Variants in RNF215 observed in about 807,000 individuals in gnomAD.
RNF215 encodes the protein ring finger protein 215.
RNF215 carries 41 observed loss-of-function variants against 44.8 expected under a neutral mutation model. The ratio of observed to expected loss-of-function variants is 0.92; its 90% CI spans 0.71 to 1.19. RNF215 has a LOEUF of 1.19. Among genes scored for constraint, RNF215 ranks in the 50% most tolerant of loss-of-function variants. The probability of loss-of-function intolerance (pLI) is 0.00; values close to 1 mark genes in which losing one functional copy is unlikely to be tolerated. For missense variants in RNF215, 452 were observed against 496.2 expected, an observed-to-expected ratio of 0.91 and a Z score of 0.85; for synonymous variants, 218 against 230.1, an observed-to-expected ratio of 0.95 and a Z score of 0.48.
rs374766501 is a variant in RNF215, at chr22:30,380,234, C to T, written c.865-29G>A. 6.2e-6 allele frequency: 10 copies of T among 1,612,126 alleles called. No homozygotes were observed. Among genetic ancestry groups the T allele is most frequent in the Non-Finnish European group, 6.8e-6 (8 of 1,178,926 alleles). ...TGGGGAGAGGACGGGCACAGTCTTG[C>T]AGGTCCAAGGGCTGAGGGTGCTGGG... On this transcript the variant is annotated intron_variant, in intron 6 of 8. Transcript: ENST00000382363. This position sits in a 1 kb window ranked among gnomAD's most constrained non-coding sequence, Gnocchi z 5.3.
In RNF215 at chr22:30,379,634, G is replaced by A; in HGVS notation, c.1112-12C>T. ...GGAGTAGCGGTTCCCTGCAGGGGAG[G>A]GGAAGAAGAACAGGGAGAGAGGCAT... On this transcript the variant is annotated splice_polypyrimidine_tract_variant and intron_variant, in intron 8 of 8. Coordinates refer to ENST00000382363, the MANE Select transcript of RNF215 (RefSeq NM_001017981.2). 1.9e-6 allele frequency: 3 copies of A among 1,551,712 alleles called. No individual in the cohort carries two copies. The highest frequency in any genetic ancestry group is 2.6e-6 in the Non-Finnish European group (3 of 1,147,090).
rs555969533 is a variant in RNF215 at position 30,384,273 on chromosome 22, C to T, written c.744+66G>A. 14 of 1,512,248 alleles carry T rather than the reference C, an allele frequency of 9.3e-6. No individual in the cohort carries two copies. In the East Asian group the frequency reaches 2.7e-4, roughly 30 times the overall value. 93.7% of individuals were successfully genotyped at this position (1,512,248 alleles called of 1,614,324 possible). ...GGGAGAAGCCACAGGATTTTCAATA[C>T]AAAGCCATGTATATGGCCCCACGAG... is the stretch of plus-strand genomic sequence containing the variant. On this transcript the variant is annotated intron_variant, in intron 5 of 8. Coordinates refer to ENST00000382363, the MANE Select transcript of RNF215 (RefSeq NM_001017981.2).
At chr22:30,384,024 G>C (rs562867221) in intron 5 of RNF215, among the ~76,000 whole-genome samples, 1 of 152,350 alleles carries the variant, frequency 6.6e-6, no homozygotes, top group East Asian at 1.9e-4. Context: ...GAAAAATAGA[G>C]TGAGTGAGTG....
chr22:30,386,774 G>C lies in RNF215; in HGVS notation c.286-15C>G, dbSNP rs1933606379. 2 of 1,598,892 alleles carry C rather than the reference G, an allele frequency of 1.3e-6. No homozygotes were observed. Among genetic ancestry groups the C allele is most frequent in the African/African-American group, 2.7e-5 (2 of 75,022 alleles). On this transcript the variant is annotated splice_polypyrimidine_tract_variant and intron_variant, in intron 1 of 8. Coordinates refer to ENST00000382363, the MANE Select transcript of RNF215 (RefSeq NM_001017981.2). The stretch of plus-strand genomic sequence containing the variant: ...ACGATGTCCATCTGTGTGGCAAGGG[G>C]CCATGAGCAGAGGGAGGTAGGGTGT...
rs1269486902 is a variant in RNF215, at chr22:30,380,691, C to T, written c.745-290G>A. ...ACCTGATGTTTTGCATACACAGAAGCTTCTATCTGGTAGCCTCAGAGACTC... is the reference window on the plus strand; with the variant it reads ...ACCTGATGTTTTGCATACACAGAAGTTTCTATCTGGTAGCCTCAGAGACTC... On this transcript the variant is annotated intron_variant, in intron 5 of 8. Coordinates refer to ENST00000382363, the MANE Select transcript of RNF215 (RefSeq NM_001017981.2). The surrounding 1 kb of genome is among the most constrained non-coding windows in gnomAD (Gnocchi z 5.3). Among the ~76,000 whole-genome samples, 1 of 152,130 alleles carries T rather than the reference C, an allele frequency of 6.6e-6. No homozygotes were observed. The highest frequency in any genetic ancestry group is 1.9e-4 in the East Asian group (1 of 5,194).
At position 30,386,683 on chromosome 22, in the gene RNF215, G is replaced by A. The variant is rs201180819; in HGVS notation, c.362C>T (p.Ala121Val). The change falls in exon 2 of 9, where the codon GCG (alanine) becomes GTG (valine). Residue 121 changes from alanine (A) to valine (V), a missense_variant. Coordinates refer to ENST00000382363, the MANE Select transcript of RNF215 (RefSeq NM_001017981.2). The part of the protein sequence containing the change: ...IAVAYVGKEQ[A>V]AQFHQENKGS... ...CTTATTCTCCTGGTGGAACTGGGCC[G>A]CCTGCTCCTTGCCCACGTATGCCAC... 17 of 1,612,688 alleles carry A rather than the reference G, an allele frequency of 1.1e-5. No individual in the cohort carries two copies. The East Asian group carries it at 1.8e-4, about 17-fold the overall frequency.
chr22:30,386,002 A>G lies in RNF215; in HGVS notation c.502-13T>C. On this transcript the variant is annotated splice_polypyrimidine_tract_variant and intron_variant, in intron 3 of 8. Transcript: ENST00000382363. The stretch of plus-strand genomic sequence containing the variant: ...GGGATATGTCCAGCTGCAGGGAGAC[A>G]AGGAGGTCAGCAGGCCTGGGTCCCC... 1 of 1,614,064 alleles carries G rather than the reference A, an allele frequency of 6.2e-7. No individual in the cohort carries two copies. The highest frequency in any genetic ancestry group is 8.5e-7 in the Non-Finnish European group (1 of 1,179,970).
Position 30,386,745 on chromosome 22 carries a change from A to C in RNF215, c.300T>G (p.Asp100Glu). Residue 100 changes from aspartate to glutamate, a missense_variant, in exon 2 of 9, where the codon GAT (aspartate) becomes GAG (glutamate). Physicochemically the swap from Asp to Glu is conservative, Grantham distance 45. Transcript: ENST00000382363. ...GGRLLLMDIV[D>E]AEQEAPVEGW... is the part of the protein sequence containing the mutation. Reference sequence around the variant, plus strand: ...CTTCCACTGGTGCCTCCTGCTCGGCATCCACGATGTCCATCTGTGTGGCAA... The same window carrying C: ...CTTCCACTGGTGCCTCCTGCTCGGCCTCCACGATGTCCATCTGTGTGGCAA... 1 of 1,605,756 alleles carries C rather than the reference A, an allele frequency of 6.2e-7. No homozygotes were observed. The highest frequency in any genetic ancestry group is 8.5e-7 in the Non-Finnish European group (1 of 1,179,834).
chr22:30,387,211 C>A lies in RNF215; in HGVS notation c.103G>T (p.Gly35Cys). The A allele has an allele frequency of 9.8e-7, 1 of 1,015,832 alleles. No homozygotes were observed. Among genetic ancestry groups the A allele is most frequent in the Non-Finnish European group, 1.2e-6 (1 of 845,580 alleles). 62.9% of individuals were successfully genotyped at this position (1,015,832 alleles called of 1,614,324 possible). ...LLLPLLPLWL[G>C]LAGPGAAADG... ...GCCGCGGCCCCGGGCCCCGCCAGGCCCAGCCACAGCGGCAGCAGGGGCAGC... is the reference window on the plus strand; with the variant it reads ...GCCGCGGCCCCGGGCCCCGCCAGGCACAGCCACAGCGGCAGCAGGGGCAGC... Residue 35 changes from glycine to cysteine, a missense_variant, in exon 1 of 9, where the codon GGC becomes TGC. Gly to Cys is a radical substitution (Grantham distance 159, BLOSUM62 -3). Coordinates refer to ENST00000382363, the MANE Select transcript of RNF215 (RefSeq NM_001017981.2).
At chr22:30,385,182 G>A (rs1284724997) in intron 4 of RNF215, among the ~76,000 whole-genome samples, 1 of 152,164 alleles carries the variant, frequency 6.6e-6, no homozygotes, top group Non-Finnish European at 1.5e-5. Context: ...AGCACTTTGG[G>A]AGGCCGAGAC....
intron 5 of RNF215, among the ~76,000 whole-genome samples, chr22:30,383,303 CTT>C (rs1320638920): frequency 3.3e-5 from 5 of 152,186 alleles, no homozygotes; most frequent in Non-Finnish European, 7.3e-5. Context: ...GGTCTGCCCT[CTT>C]GAGCAGCCAG....
rs530283813 is a variant in RNF215 at position 30,381,918 on chromosome 22, C to T, written c.745-1517G>A. ...CCAGGCTGAGTGCCTTTATCATGCC[C>T]TAGAGGGTGCCGGGGCCACCACCAG... is the stretch of plus-strand genomic sequence containing the variant. On this transcript the variant is annotated intron_variant, in intron 5 of 8. Transcript: ENST00000382363. Among the ~76,000 whole-genome samples the T allele has an allele frequency of 1.6e-4, 24 of 152,318 alleles. No homozygotes were observed. The East Asian group carries it at 4.2e-3, about 27-fold the overall frequency.
At chr22:30,386,400 C>G (rs964269663) in intron 2 of RNF215, among the ~76,000 whole-genome samples, 1 of 152,220 alleles carries the variant, frequency 6.6e-6, no homozygotes, top group African/African-American at 2.4e-5. Flanking sequence ...CCCATACTCT[C>G]AGAGCCTGGT....
intron 7 of RNF215, 83 bp from the exon 8 acceptor site, chr22:30,379,896 G>A: frequency 6.6e-7 from 1 of 1,508,646 alleles, no homozygotes. Context: ...CCTCGCCTCA[G>A]CTGGGGAACT....
intron 2 of RNF215, 105 bp downstream of exon 2, chr22:30,386,511 G>C: frequency 1.4e-6 from 2 of 1,425,512 alleles, no homozygotes; most frequent in South Asian, 1.4e-5. Context: ...CCAGGCCTAG[G>C]GCTTCTCTGC....
chr22:30,380,311 G>GC lies in RNF215; in HGVS notation c.834dup (p.Arg279AlafsTer15), dbSNP rs1933510249. The GC allele has an allele frequency of 6.2e-7, 1 of 1,611,054 alleles. No homozygotes were observed. Among genetic ancestry groups the GC allele is most frequent in the Non-Finnish European group, 8.5e-7 (1 of 1,178,618 alleles). ...CCTCCGAGCTCCCGCTGGCTCTGCC[G>GC]CGACGCCTGCCGCTGGGCCTGGACC... On this transcript the variant is annotated frameshift_variant, in exon 6 of 9. Coordinates refer to ENST00000382363, the MANE Select transcript of RNF215 (RefSeq NM_001017981.2). LOFTEE classifies it high-confidence loss of function. This position sits in a 1 kb window ranked among gnomAD's most constrained non-coding sequence, Gnocchi z 5.3.
rs779998402 is a variant in RNF215, at chr22:30,380,356, G to A, written c.790C>T (p.Leu264Phe). Reference protein sequence around the residue: ...LWNAILLVAMLLCTGLVVQAQ... With the variant: ...LWNAILLVAMFLCTGLVVQAQ... ...TGGACCACGAGGCCTGTGCACAGGA[G>A]CATGGCCACCAGCAGGATGGCGTTC... Residue 264 changes from leucine (L) to phenylalanine (F), a missense_variant, in exon 6 of 9, where the codon CTC becomes TTC. Coordinates refer to ENST00000382363, the MANE Select transcript of RNF215 (RefSeq NM_001017981.2). This position sits in a 1 kb window ranked among gnomAD's most constrained non-coding sequence, Gnocchi z 5.3. 9.3e-6 allele frequency: 15 copies of A among 1,610,142 alleles called. No individual in the cohort carries two copies. The highest frequency in any genetic ancestry group is 1.2e-5 in the Non-Finnish European group (14 of 1,177,716).
chr22:30,381,819 C>A (rs1033537124), intron 5 of RNF215, among the ~76,000 whole-genome samples: 11 of 152,204 alleles, frequency 7.2e-5, no homozygotes, highest in African/African-American at 2.7e-4. Context: ...CAGCTCCCCT[C>A]TCCATCCTGC....
In RNF215 at chr22:30,386,122, A is replaced by G. The variant is rs1367617075; in HGVS notation, c.449T>C (p.Leu150Pro). 2 of 1,591,934 alleles carry G rather than the reference A, an allele frequency of 1.3e-6. No individual in the cohort carries two copies. Among genetic ancestry groups the G allele is most frequent in the South Asian group, 1.1e-5 (1 of 89,586 alleles). ...LVQQMRRALFLGASALLLLIL... is the reference protein window; with the variant it reads ...LVQQMRRALFPGASALLLLIL... Reference sequence around the variant, plus strand: ...GAGAAGAAGCAGGGCAGAGGCACCCAGGAAGAGGGCCCGCCGCATCTGCAG... The same window carrying G: ...GAGAAGAAGCAGGGCAGAGGCACCCGGGAAGAGGGCCCGCCGCATCTGCAG... Residue 150 changes from leucine (L) to proline (P), a missense_variant, in exon 3 of 9, where the codon CTG (leucine) becomes CCG (proline). Physicochemically the swap from Leu to Pro is moderately conservative, Grantham distance 98. Transcript: ENST00000382363.
Sources: gnomAD v4.1 joint callset for allele counts (sites outside exome capture counted in the v4.1 genomes callset) on GRCh38, gnomAD v4.1.1 for gene constraint, Gnocchi (gnomAD v3.1) non-coding constraint, MANE v1.5 for transcripts, NCBI Gene and HGNC (gene_info 2026-07-23, HGNC 2026-07-21) for gene names.